CIB1: variants seen among roughly 807,000 people sequenced by gnomAD.
The protein encoded by CIB1 is calcium and integrin-binding protein 1.
Under a neutral mutation model 25.0 loss-of-function variants are expected in CIB1, and 19 were observed. The observed-to-expected ratio is 0.76, with a 90% CI of 0.53 to 1.12. The LOEUF is 1.12. CIB1 is among the 50% of genes most tolerant of loss of function. The pLI, the probability that CIB1 is intolerant of heterozygous loss-of-function variation, is 0.00. For synonymous variants in CIB1, 104 were observed against 98.5 expected (o/e 1.06, Z -0.33); for missense variants, 236 against 242.6 (o/e 0.97, Z 0.18).
At chr15:90,241,296 C>T in the CIB1 span, 65 of 1,614,082 alleles carry the variant, frequency 4.0e-5, no homozygotes, top group African/African-American at 5.3e-5. Flanking sequence ...CAACAAGATC[C>T]GGCCCGGAGA....
chr15:90,247,668 G>C, the CIB1 span, among the ~76,000 whole-genome samples: 1 of 151,352 alleles, frequency 6.6e-6, no homozygotes, highest in Non-Finnish European at 1.5e-5. Flanking sequence ...TACATTTGCT[G>C]TGGCTGAACC....
At chr15:90,256,391 C>T in the CIB1 span, 22 of 1,491,574 alleles carry the variant, frequency 1.5e-5, no homozygotes, top group African/African-American at 2.9e-4. Context: ...TGGTCTTAGG[C>T]TTCTACCCTT....
the CIB1 span, chr15:90,262,526 C>T: frequency 1.3e-6 from 2 of 1,523,330 alleles, no homozygotes; most frequent in South Asian, 1.2e-5. Flanking sequence ...TAAGCAGGAA[C>T]AGCAGGAGAC....
chr15:90,240,945 T>A, the CIB1 span: 4 of 1,614,132 alleles, frequency 2.5e-6, no homozygotes, highest in Non-Finnish European at 3.4e-6. Flanking sequence ...AACTTCCTAT[T>A]TGCTGCCTCC....
At chr15:90,238,926 CA>C (rs1962690155), upstream of CIB1, among the ~76,000 whole-genome samples, 1 of 150,674 alleles carries the variant, frequency 6.6e-6, no homozygotes, top group Non-Finnish European at 1.5e-5. Context: ...CTGTCTCTAC[CA>C]AAAACAAAAC....
chr15:90,265,704 T>G, the CIB1 span: 2 of 1,613,244 alleles, frequency 1.2e-6, no homozygotes, highest in Admixed American at 3.3e-5. Context: ...AAGGCTGGTT[T>G]GCGTCGACAT....
chr15:90,244,264 A>G, the CIB1 span: 1 of 152,208 alleles, frequency 6.6e-6, no homozygotes, highest in Non-Finnish European at 1.5e-5. Context: ...AGCCTCAGCC[A>G]TCCCTCTTGG....
the CIB1 span, chr15:90,264,135 A>C: frequency 1.2e-6 from 1 of 848,102 alleles, no homozygotes; most frequent in South Asian, 1.6e-5. Flanking sequence ...GGATGCCCCT[A>C]AAATATAATA....
rs899288341 is a variant in CIB1 at position 90,230,245 on chromosome 15, T to C, written c.*239A>G. ...ATACCAGTGTATCTCATGTCACACA[T>C]AGGGTCAAACTTCTAAACCTTTATT... On this transcript the variant is annotated 3_prime_UTR_variant, in exon 7 of 7. Transcript: ENST00000328649. 1.4e-5 allele frequency: 8 copies of C among 578,382 alleles called. No homozygotes were observed. Among genetic ancestry groups the C allele is most frequent in the African/African-American group, 1.1e-4 (6 of 53,238 alleles). The allele number at this position is 578,382 out of a possible 1,614,324, so 35.8% of individuals were successfully genotyped here. A position where few individuals can be genotyped will look rare whatever the true frequency, so the allele number is the denominator to read the frequency against.
At chr15:90,253,326 G>A in the CIB1 span, 459,494 of 1,611,870 alleles carry the variant, frequency 0.29, 72,898 homozygotes, top group East Asian at 0.66. Flanking sequence ...GACAGACTGC[G>A]CTGTCTCACT....
chr15:90,241,486 T>A, the CIB1 span: 7 of 1,613,782 alleles, frequency 4.3e-6, no homozygotes, highest in Non-Finnish European at 5.9e-6. Flanking sequence ...ATTGAGGCTG[T>A]GCTGCTGAGC....
chr15:90,257,117 C>T, the CIB1 span: 7 of 1,607,640 alleles, frequency 4.4e-6, no homozygotes, highest in Admixed American at 1.7e-5. Flanking sequence ...ATTATTCCCT[C>T]ATGGGTTTGC....
At chr15:90,263,869 G>C in the CIB1 span, 1 of 979,146 alleles carries the variant, frequency 1.0e-6, no homozygotes, top group African/African-American at 1.6e-5. Context: ...TCTGCCCCAT[G>C]AATCAATCCC....
At chr15:90,238,159 G>A (rs963004398), upstream of CIB1, among the ~76,000 whole-genome samples, 1 of 152,154 alleles carries the variant, frequency 6.6e-6, no homozygotes, top group Non-Finnish European at 1.5e-5. Context: ...CATTAGCCGG[G>A]CGTGGTGACA....
At chr15:90,241,728 T>C in the CIB1 span, 3 of 1,614,120 alleles carry the variant, frequency 1.9e-6, no homozygotes, top group Non-Finnish European at 2.5e-6. Context: ...AAGCAGGGTA[T>C]GTCGGGCCAC....
chr15:90,265,602 G>C, the CIB1 span: 76,847 of 1,443,622 alleles, frequency 0.053, 2,576 homozygotes, highest in Non-Finnish European at 0.059. Context: ...AGTGAAGCGG[G>C]AAATAACTTG....
chr15:90,233,978 G>T, upstream of CIB1: 3 of 1,349,492 alleles, frequency 2.2e-6, no homozygotes, highest in Non-Finnish European at 2.9e-6. Flanking sequence ...CCCGGTCCCC[G>T]CGGCAACCGC....
the CIB1 span, among the ~76,000 whole-genome samples, chr15:90,255,496 G>T: frequency 6.6e-6 from 1 of 152,170 alleles, no homozygotes; most frequent in Admixed American, 6.5e-5. Flanking sequence ...CACAGTCTTG[G>T]CTAGTTACAT....
chr15:90,240,849 C>T, the CIB1 span: 1 of 1,096,084 alleles, frequency 9.1e-7, no homozygotes, highest in Non-Finnish European at 1.3e-6. Flanking sequence ...CAATGACAAT[C>T]TCTGGAGGTG....
Sources: allele counts gnomAD v4.1 joint callset (sites outside exome capture counted in the v4.1 genomes callset), GRCh38; gene constraint gnomAD v4.1.1; transcripts MANE v1.5; gene names NCBI Gene and HGNC (gene_info 2026-07-23, HGNC 2026-07-21).